The following DCN variants were observed in gnomAD, a reference collection of about 807,000 sequenced individuals.
DCN encodes bone proteoglycan II.
DCN carries 17 observed loss-of-function variants against 36.5 expected under a neutral mutation model. The observed-to-expected ratio is 0.47, with a 90% CI of 0.32 to 0.70. The LOEUF is 0.70. DCN is among the 30% of genes least tolerant of loss of function. DCN has a pLI of 0.04. For missense variants in DCN, 389 were observed against 430.1 expected, an observed-to-expected ratio of 0.90 and a Z score of 0.84; for synonymous variants, 163 against 161.4, an observed-to-expected ratio of 1.01 and a Z score of -0.07.
intron 2 of DCN, among the ~76,000 whole-genome samples, chr12:91,171,400 T>C (rs1882943319): frequency 6.6e-6 from 1 of 152,200 alleles, no homozygotes; most frequent in South Asian, 2.1e-4. Flanking sequence ...TGGCATACAT[T>C]AAATTTTCTA....
rs1379785274 is a variant in DCN, at chr12:91,144,603, T to G, written c.*1455A>C. The G allele has an allele frequency of 6.6e-6, 1 of 152,200 alleles. No homozygotes were observed. Among genetic ancestry groups the G allele is most frequent in the Non-Finnish European group, 1.5e-5 (1 of 68,032 alleles). 9.4% of individuals were successfully genotyped at this position (152,200 alleles called of 1,614,324 possible). On this transcript the variant is annotated 3_prime_UTR_variant, in exon 8 of 8. Transcript: ENST00000052754. ...GGATATGTCAAATGTAAATGAAAAT[T>G]ATTGCTTCTGTTTCAGAAGAAGAAA...
At chr12:91,162,708 G>T (rs985048717) in intron 3 of DCN, among the ~76,000 whole-genome samples, 14 of 152,136 alleles carry the variant, frequency 9.2e-5, no homozygotes, top group Non-Finnish European at 8.8e-5. Context: ...TCTCTGTATT[G>T]TCTGAAAATT....
rs376291263 is a variant in DCN at position 91,178,331 on chromosome 12, A to T, written c.211+11T>A. On this transcript the variant is annotated intron_variant, in intron 2 of 7. Transcript: ENST00000052754. ...AGTAAGGTAGGTAAAGAGAAACTGC[A>T]TCCCACTCACCCAAATCAGAACACT... The T allele has an allele frequency of 7.8e-5, 125 of 1,610,668 alleles. 1 individual carries two copies. The Admixed American group carries it at 8.7e-4, about 11-fold the overall frequency.
In DCN at chr12:91,159,595, G is replaced by A. The variant is rs1278609340; in HGVS notation, c.325-1086C>T. On this transcript the variant is annotated intron_variant, in intron 3 of 7. Transcript: ENST00000052754. ...CATATTTTTCTCCTGATTTTTTTTT[G>A]CCTTTTTTTATGTGTAAAGGTTTTA... Among the ~76,000 whole-genome samples, 14 of 149,682 alleles carry A rather than the reference G, an allele frequency of 9.4e-5. No homozygotes were observed. In the East Asian group the frequency reaches 1.6e-3, roughly 17 times the overall value.
At chr12:91,166,578 G>A (rs1434575622) in intron 2 of DCN, among the ~76,000 whole-genome samples, 1 of 152,086 alleles carries the variant, frequency 6.6e-6, no homozygotes, top group Non-Finnish European at 1.5e-5. Flanking sequence ...ACTTACGCTT[G>A]CTTTTATTCA....
intron 3 of DCN, among the ~76,000 whole-genome samples, chr12:91,163,623 G>A (rs1331768641): frequency 6.6e-6 from 1 of 152,040 alleles, no homozygotes; most frequent in African/African-American, 2.4e-5. Flanking sequence ...ATGAAATCCT[G>A]ACTGATAGAC....
chr12:91,167,932 C>G (rs1272276812), intron 2 of DCN, among the ~76,000 whole-genome samples: 5 of 152,148 alleles, frequency 3.3e-5, no homozygotes, highest in Non-Finnish European at 7.4e-5. Flanking sequence ...CCTCCGCCTC[C>G]CGATTCAAGC....
chr12:91,164,463 A>T (rs1481167386), intron 3 of DCN, 142 bp downstream of exon 3: 1 of 54,006 alleles, frequency 1.9e-5, no homozygotes, highest in Non-Finnish European at 3.4e-5. Flanking sequence ...AAAAAAAAGT[A>T]AAAAAAAAAA....
At chr12:91,152,558 G>C (rs1258941659) in intron 6 of DCN, among the ~76,000 whole-genome samples, 1 of 152,014 alleles carries the variant, frequency 6.6e-6, no homozygotes, top group Non-Finnish European at 1.5e-5. Context: ...AGAAGGGCCA[G>C]CAAAAACAAC....
At chr12:91,155,255 C>T (rs1435109279) in intron 5 of DCN, among the ~76,000 whole-genome samples, 3 of 152,076 alleles carry the variant, frequency 2.0e-5, no homozygotes, top group Non-Finnish European at 4.4e-5. Context: ...CCTCATTTTC[C>T]ACTTTTATGA....
intron 5 of DCN, among the ~76,000 whole-genome samples, chr12:91,154,357 C>T (rs3138255): frequency 0.017 from 2,594 of 152,188 alleles, 69 homozygotes; most frequent in African/African-American, 0.058. Context: ...CCTCTCAAAA[C>T]ATAAATTATT....
At chr12:91,157,304 T>A (rs1048282418) in intron 4 of DCN, 116 bp from the exon 5 acceptor site, 45 of 767,306 alleles carry the variant, frequency 5.9e-5, no homozygotes, top group Non-Finnish European at 8.7e-5. Flanking sequence ...TCAACTTGAC[T>A]AAAAAACAAA....
Position 91,144,948 on chromosome 12 carries a change from C to T in DCN, c.*1110G>A, listed in dbSNP as rs1880920764. ...ATACTTAATAAATTATTTAAATTTA[C>T]ACTGTATTTCAATTATTTTTTCCCA... is the stretch of plus-strand genomic sequence containing the variant. On this transcript the variant is annotated 3_prime_UTR_variant, in exon 8 of 8. Coordinates refer to ENST00000052754, the MANE Select transcript of DCN (RefSeq NM_001920.5). 1.3e-5 allele frequency: 2 copies of T among 152,170 alleles called. No individual in the cohort carries two copies. The highest frequency in any genetic ancestry group is 2.1e-4 in the South Asian group (1 of 4,832). The allele number at this position is 152,170 out of a possible 1,614,324, so 9.4% of individuals were successfully genotyped here. A position where few individuals can be genotyped will look rare whatever the true frequency, so the allele number is the denominator to read the frequency against.
intron 1 of DCN, among the ~76,000 whole-genome samples, chr12:91,179,918 A>T (rs1368464111): frequency 6.6e-6 from 1 of 152,210 alleles, no homozygotes; most frequent in East Asian, 1.9e-4. Flanking sequence ...TTGTAAAAAA[A>T]CAAGTATTGT....
intron 2 of DCN, among the ~76,000 whole-genome samples, chr12:91,166,999 T>G (rs540876303): frequency 6.6e-6 from 1 of 152,142 alleles, no homozygotes; most frequent in African/African-American, 2.4e-5. Context: ...ATGAGATAGG[T>G]AAGGCAGTAT....
In DCN at chr12:91,142,769, A is replaced by G. The variant is rs925683078; in HGVS notation, c.*3289T>C. On this transcript the variant is annotated 3_prime_UTR_variant, in exon 8 of 8. Coordinates refer to ENST00000052754, the MANE Select transcript of DCN (RefSeq NM_001920.5). ...GGCCTTTCCAACCAGGAGGGGTCAGAGACAAATTTTTAAGTTTCCAACCTT... is the reference window on the plus strand; with the variant it reads ...GGCCTTTCCAACCAGGAGGGGTCAGGGACAAATTTTTAAGTTTCCAACCTT... 1 of 152,212 alleles carries G rather than the reference A, an allele frequency of 6.6e-6. No homozygotes were observed. Among genetic ancestry groups the G allele is most frequent in the Non-Finnish European group, 1.5e-5 (1 of 68,028 alleles). The allele number at this position is 152,212 out of a possible 1,614,324, so 9.4% of individuals were successfully genotyped here. A position where few individuals can be genotyped will look rare whatever the true frequency, so the allele number is the denominator to read the frequency against.
At chr12:91,178,170 G>A (rs183839115) in intron 2 of DCN, among the ~76,000 whole-genome samples, 172 bp downstream of exon 2, 128 of 152,108 alleles carry the variant, frequency 8.4e-4, no homozygotes, top group African/African-American at 3.0e-3. Context: ...GAGAAAGAGA[G>A]AACAACAACG....
At chr12:91,149,325 C>A (rs1205247092) in intron 7 of DCN, among the ~76,000 whole-genome samples, 2 of 152,024 alleles carry the variant, frequency 1.3e-5, no homozygotes, top group African/African-American at 4.8e-5. Flanking sequence ...CAATGTAATA[C>A]ACTATATCAA....
chr12:91,146,141 G>C lies in DCN; in HGVS notation c.997C>G (p.Pro333Ala), dbSNP rs1315212534. The stretch of plus-strand genomic sequence containing the variant: ...GGCTGTATCTCCCAGTACTGGACCG[G>C]GTTGCTGAAAAGACTCACACCCGAA... ...SYSGVSLFSN[P>A]VQYWEIQPST... Residue 333 changes from proline to alanine, a missense_variant, in exon 8 of 8, where the codon CCG (proline) becomes GCG (alanine). Pro to Ala is a conservative substitution (Grantham distance 27). Transcript: ENST00000052754. 6.2e-7 allele frequency: 1 copy of C among 1,613,772 alleles called. No homozygotes were observed. The highest frequency in any genetic ancestry group is 8.5e-7 in the Non-Finnish European group (1 of 1,179,882).
Sources: gnomAD v4.1 joint callset for allele counts (sites outside exome capture counted in the v4.1 genomes callset) on GRCh38, gnomAD v4.1.1 for gene constraint, MANE v1.5 for transcripts, NCBI Gene and HGNC (gene_info 2026-07-23, HGNC 2026-07-21) for gene names.